SGMS1: variants seen among roughly 807,000 people sequenced by gnomAD.
The protein encoded by SGMS1 is sphingomyelin synthase 1.
A neutral mutation model predicts 46.2 loss-of-function variants in SGMS1; 13 were observed. That is an observed-to-expected ratio of 0.28 (90% CI 0.18 to 0.45). SGMS1 has a LOEUF of 0.45. SGMS1 is among the 20% of genes least tolerant of loss of function. SGMS1 has a pLI of 1.00. For synonymous variants in SGMS1, 203 were observed against 187.8 expected (o/e 1.08, Z -0.66); for missense variants, 324 against 519.9 (o/e 0.62, Z 3.66).
At chr10:50,423,303 T>TCC (rs56255424) in intron 6 of SGMS1, among the ~76,000 whole-genome samples, 102,513 of 151,332 alleles carry the variant, frequency 0.68, 35,164 homozygotes, top group East Asian at 0.94. Flanking sequence ...CCCACTTAAT[T>TCC]TAGCTCTGCA....
chr10:50,352,897 G>C (rs1385645242), intron 6 of SGMS1, among the ~76,000 whole-genome samples: 2 of 152,132 alleles, frequency 1.3e-5, no homozygotes, highest in Non-Finnish European at 2.9e-5. Context: ...GGAAGAAGTT[G>C]AATCTCTGAA....
At chr10:50,409,494 C>A (rs1336136254) in intron 6 of SGMS1, among the ~76,000 whole-genome samples, 2 of 152,178 alleles carry the variant, frequency 1.3e-5, no homozygotes, top group Non-Finnish European at 2.9e-5. Flanking sequence ...TACAACATAT[C>A]TCTATGTACC....
At position 50,560,876 on chromosome 10, in the gene SGMS1, T is replaced by C. The variant is rs183178939; in HGVS notation, c.-589+29277A>G. Among the ~76,000 whole-genome samples, 201 of 152,270 alleles carry C rather than the reference T, an allele frequency of 1.3e-3. 1 individual carries two copies. Among genetic ancestry groups the C allele is most frequent in the African/African-American group, 4.5e-3 (188 of 41,550 alleles). On this transcript the variant is annotated intron_variant, in intron 2 of 10. Transcript: ENST00000361781. ...AGAACATTTGCATCCAGTGCCTTTA[T>C]ACCGTTTTCCTAACAGTTTTTAAAG...
At chr10:50,612,099 C>T (rs1588892666) in intron 1 of SGMS1, among the ~76,000 whole-genome samples, 2 of 152,230 alleles carry the variant, frequency 1.3e-5, no homozygotes, top group Admixed American at 1.3e-4. Context: ...TGTTCTCTAC[C>T]ATCCTGCCCC....
chr10:50,441,626 G>A (rs112380179), intron 5 of SGMS1, among the ~76,000 whole-genome samples: 4 of 152,236 alleles, frequency 2.6e-5, no homozygotes, highest in East Asian at 1.9e-4. Flanking sequence ...CTAACTGACC[G>A]TCAAGGGACA....
intron 6 of SGMS1, among the ~76,000 whole-genome samples, chr10:50,416,652 A>C (rs1849173313): frequency 6.6e-6 from 1 of 152,154 alleles, no homozygotes; most frequent in East Asian, 1.9e-4. Flanking sequence ...AGGATTCTAC[A>C]CTGTTACCTT....
At chr10:50,413,152 T>C (rs1466227708) in intron 6 of SGMS1, among the ~76,000 whole-genome samples, 1 of 152,198 alleles carries the variant, frequency 6.6e-6, no homozygotes, top group Admixed American at 6.5e-5. Context: ...TGCTACATAA[T>C]TTACATGTAT....
chr10:50,576,074 C>A (rs1838382511), intron 2 of SGMS1, among the ~76,000 whole-genome samples: 1 of 151,990 alleles, frequency 6.6e-6, no homozygotes, highest in Non-Finnish European at 1.5e-5. Context: ...GTGGAACCTA[C>A]AGACACTTTC....
At chr10:50,531,581 T>C (rs1274042626) in intron 2 of SGMS1, among the ~76,000 whole-genome samples, 2 of 152,098 alleles carry the variant, frequency 1.3e-5, no homozygotes, top group Non-Finnish European at 2.9e-5. Context: ...TCTTCTTGAA[T>C]CCCCACAGTG....
At chr10:50,425,725 T>C (rs765220761) in intron 6 of SGMS1, among the ~76,000 whole-genome samples, 1 of 152,166 alleles carries the variant, frequency 6.6e-6, no homozygotes, top group Non-Finnish European at 1.5e-5. Context: ...CCTGCGAATG[T>C]ACCCCGGGTC....
chr10:50,375,169 G>A (rs1848505079), intron 6 of SGMS1, among the ~76,000 whole-genome samples: 1 of 152,134 alleles, frequency 6.6e-6, no homozygotes, highest in South Asian at 2.1e-4. Context: ...CTTGAAAGGA[G>A]AACAGGTTTG....
chr10:50,569,382 C>A (rs896997531), intron 2 of SGMS1, among the ~76,000 whole-genome samples: 2 of 151,180 alleles, frequency 1.3e-5, no homozygotes, highest in Admixed American at 6.6e-5. Flanking sequence ...AATGGAGGAA[C>A]CTGACATAGC....
chr10:50,413,379 G>A (rs1394463279), intron 6 of SGMS1, among the ~76,000 whole-genome samples: 2 of 152,186 alleles, frequency 1.3e-5, no homozygotes, highest in Non-Finnish European at 2.9e-5. Flanking sequence ...TACACTTGCA[G>A]ATTTCAGCAT....
intron 6 of SGMS1, among the ~76,000 whole-genome samples, chr10:50,422,479 T>A (rs1308042561): frequency 2.0e-5 from 3 of 152,168 alleles, no homozygotes; most frequent in African/African-American, 7.2e-5. Context: ...ATCTGATACT[T>A]CCTAAAAGGA....
At chr10:50,608,534 C>T in intron 1 of SGMS1, among the ~76,000 whole-genome samples, 1 of 152,168 alleles carries the variant, frequency 6.6e-6, no homozygotes, top group Admixed American at 6.5e-5. Flanking sequence ...GCTGAAGCCA[C>T]CCCACCCTTA....
At chr10:50,492,165 C>T (rs1189727827) in intron 3 of SGMS1, among the ~76,000 whole-genome samples, 1 of 152,160 alleles carries the variant, frequency 6.6e-6, no homozygotes, top group Non-Finnish European at 1.5e-5. Flanking sequence ...AAGGAACATA[C>T]CTCAGAATAA....
chr10:50,380,891 G>A (rs1275410022), intron 6 of SGMS1, among the ~76,000 whole-genome samples: 1 of 152,012 alleles, frequency 6.6e-6, no homozygotes. Flanking sequence ...GTGCAGTGGT[G>A]CAATCACAGC....
intron 5 of SGMS1, among the ~76,000 whole-genome samples, chr10:50,453,899 G>A (rs1004519146): frequency 1.3e-5 from 2 of 149,768 alleles, no homozygotes; most frequent in African/African-American, 4.9e-5. Context: ...GGGAGAAAAA[G>A]AGGGAGGGAA....
chr10:50,504,213 A>G (rs563663978), intron 3 of SGMS1, among the ~76,000 whole-genome samples: 2 of 152,148 alleles, frequency 1.3e-5, no homozygotes, highest in Admixed American at 6.5e-5. Context: ...CACCCTACCT[A>G]CCTCACTAGG....
Sources: gnomAD v4.1 joint callset for allele counts (sites outside exome capture counted in the v4.1 genomes callset) on GRCh38, gnomAD v4.1.1 for gene constraint, MANE v1.5 for transcripts, NCBI Gene and HGNC (gene_info 2026-07-23, HGNC 2026-07-21) for gene names.